Variants in GCC1 observed in about 807,000 individuals in gnomAD.
GCC1 encodes the protein GRIP and coiled-coil domain-containing protein 1.
GCC1 carries 36 observed loss-of-function variants against 62.5 expected under a neutral mutation model. The observed-to-expected ratio is 0.58, with a 90% confidence interval of 0.44 to 0.76. GCC1 has a LOEUF of 0.76. Ranked by LOEUF, GCC1 falls within the 30% of genes least tolerant of loss-of-function variation. GCC1 has a pLI of 0.00. For synonymous variants in GCC1, 391 were observed against 386.8 expected, an observed-to-expected ratio of 1.01 and a Z score of -0.13; for missense variants, 885 against 948.3, an observed-to-expected ratio of 0.93 and a Z score of 0.88.
In GCC1 at chr7:127,581,769, C is replaced by A. The variant is rs1306543486; in HGVS notation, c.*245G>T. 1.9e-6 allele frequency: 1 copy of A among 533,448 alleles called. No homozygotes were observed. The highest frequency in any genetic ancestry group is 3.3e-6 in the Non-Finnish European group (1 of 300,130). 33.0% of individuals were successfully genotyped at this position (533,448 alleles called of 1,614,324 possible). On this transcript the variant is annotated 3_prime_UTR_variant, in exon 2 of 2. Coordinates refer to ENST00000321407, the MANE Select transcript of GCC1 (RefSeq NM_024523.6). ...CTTCTGCACTTCTCAGTCCTAACCT[C>A]ATCTTCTCCTCACATGCACACCATC...
chr7:127,582,339 G>A lies in GCC1; in HGVS notation c.2003C>T (p.Thr668Ile). Residue 668 changes from threonine to isoleucine, a missense_variant, in exon 2 of 2, where the codon ACA becomes ATA. Thr to Ile is a moderately conservative substitution (Grantham distance 89). Transcript: ENST00000321407. This position sits in a 1 kb window ranked among gnomAD's most constrained non-coding sequence, Gnocchi z 4.8. ...EQLARKEVEI[T>I]SLRKQKHRLE... ...CCTGTGCTTCTGCTTCCTCAGTGATGTGATCTCCACCTCCTTGCGGGCCAG... is the reference window on the plus strand; with the variant it reads ...CCTGTGCTTCTGCTTCCTCAGTGATATGATCTCCACCTCCTTGCGGGCCAG... 1 of 1,614,216 alleles carries A rather than the reference G, an allele frequency of 6.2e-7. No individual in the cohort carries two copies. The highest frequency in any genetic ancestry group is 8.5e-7 in the Non-Finnish European group (1 of 1,180,046).
chr7:127,584,181 G>C lies in GCC1; in HGVS notation c.1002C>G (p.Phe334Leu). Residue 334 changes from phenylalanine to leucine, a missense_variant, in exon 1 of 2, where the codon TTC (phenylalanine) becomes TTG (leucine). Coordinates refer to ENST00000321407, the MANE Select transcript of GCC1 (RefSeq NM_024523.6). ...QEEAARLKSH[F>L]QAQLQQEMRK... is the part of the protein sequence containing the mutation. ...TCATTTCCTGCTGTAACTGAGCCTGGAAATGGCTCTTAAGGCGGGCAGCCT... is the reference window on the plus strand; with the variant it reads ...TCATTTCCTGCTGTAACTGAGCCTGCAAATGGCTCTTAAGGCGGGCAGCCT... The C allele has an allele frequency of 6.2e-7, 1 of 1,613,916 alleles. No individual in the cohort carries two copies. The highest frequency in any genetic ancestry group is 8.5e-7 in the Non-Finnish European group (1 of 1,179,974).
chr7:127,583,564 T>C (rs1794164442), intron 1 of GCC1, among the ~76,000 whole-genome samples: 1 of 152,198 alleles, frequency 6.6e-6, no homozygotes, highest in African/African-American at 2.4e-5. Context: ...CCTAACCACA[T>C]ATAATGTGTG....
At position 127,584,361 on chromosome 7, in the gene GCC1, G is replaced by A; in HGVS notation, c.822C>T (p.Ala274=). The change falls in exon 1 of 2, where the codon GCC becomes GCT. Residue 274 remains alanine, a synonymous_variant. Transcript: ENST00000321407. ...CAGCTGCATATGCTCGTCCTGCCAA[G>A]GCTTCTCGGGTCTCTTCTAACCTAA... ...LELRLEETRE[A]LAGRAYAAEQ... 1 of 1,613,868 alleles carries A rather than the reference G, an allele frequency of 6.2e-7. No individual in the cohort carries two copies. Among genetic ancestry groups the A allele is most frequent in the Middle Eastern group, 1.6e-4 (1 of 6,062 alleles).
In GCC1 at chr7:127,583,046, C is replaced by A; in HGVS notation, c.1296G>T (p.Leu432=). 1 of 1,614,170 alleles carries A rather than the reference C, an allele frequency of 6.2e-7. No individual in the cohort carries two copies. Among genetic ancestry groups the A allele is most frequent in the Non-Finnish European group, 8.5e-7 (1 of 1,180,040 alleles). Residue 432 remains leucine (L), a synonymous_variant, in exon 2 of 2, where the codon CTG becomes CTT. Transcript: ENST00000321407. ...TCTTCAGCTTCTCCATCTTATCTTT[C>A]AGGACATTGACATCCAGACTGGACT... ...GEESSLDVNV[L]KDKMEKLKRL...
At chr7:127,584,093 C>T in intron 1 of GCC1, 58 bp downstream of exon 1, 1 of 1,489,034 alleles carries the variant, frequency 6.7e-7, no homozygotes. Flanking sequence ...GGAAAAAAAC[C>T]CTAATATTTC....
chr7:127,583,496 C>T (rs533481744), intron 1 of GCC1, among the ~76,000 whole-genome samples, 187 bp from the exon 2 acceptor site: 5 of 152,304 alleles, frequency 3.3e-5, no homozygotes, highest in South Asian at 2.1e-4. Flanking sequence ...CTGCAAGACA[C>T]ATATTATACT....
In GCC1 at chr7:127,582,338, T is replaced by C; in HGVS notation, c.2004A>G (p.Thr668=). 6.2e-7 allele frequency: 1 copy of C among 1,614,196 alleles called. No individual in the cohort carries two copies. Among genetic ancestry groups the C allele is most frequent in the Non-Finnish European group, 8.5e-7 (1 of 1,180,040 alleles). ...EQLARKEVEI[T]SLRKQKHRLE... ...GCCTGTGCTTCTGCTTCCTCAGTGATGTGATCTCCACCTCCTTGCGGGCCA... is the reference window on the plus strand; with the variant it reads ...GCCTGTGCTTCTGCTTCCTCAGTGACGTGATCTCCACCTCCTTGCGGGCCA... The change falls in exon 2 of 2, where the codon ACA becomes ACG. Residue 668 remains threonine, a synonymous_variant. Transcript: ENST00000321407. This position sits in a 1 kb window ranked among gnomAD's most constrained non-coding sequence, Gnocchi z 4.8.
Position 127,584,749 on chromosome 7 carries a change from C to A in GCC1, c.434G>T (p.Gly145Val), listed in dbSNP as rs952252130. 1 of 1,614,208 alleles carries A rather than the reference C, an allele frequency of 6.2e-7. No homozygotes were observed. Among genetic ancestry groups the A allele is most frequent in the Non-Finnish European group, 8.5e-7 (1 of 1,180,038 alleles). Residue 145 changes from glycine (G) to valine (V), a missense_variant, in exon 1 of 2, where the codon GGG becomes GTG. By Grantham distance (109) the Gly-to-Val change is moderately radical (BLOSUM62 -3). Transcript: ENST00000321407. ...CTCCCCACCTGCAAATGGCCCATCC[C>A]CACTGCTACTGCTAACGCCACTCTC... ...WSESGVSSSS[G>V]DGPFAGGEVD...
chr7:127,582,492 C>T lies in GCC1; in HGVS notation c.1850G>A (p.Gly617Glu). 6.2e-7 allele frequency: 1 copy of T among 1,613,820 alleles called. No homozygotes were observed. Among genetic ancestry groups the T allele is most frequent in the Non-Finnish European group, 8.5e-7 (1 of 1,180,036 alleles). Residue 617 changes from glycine (G) to glutamate (E), a missense_variant, in exon 2 of 2, where the codon GGA becomes GAA. Coordinates refer to ENST00000321407, the MANE Select transcript of GCC1 (RefSeq NM_024523.6). This position sits in a 1 kb window ranked among gnomAD's most constrained non-coding sequence, Gnocchi z 4.8. ...GCCACCACCCACAGGACTTCTGCGT[C>T]CTGGCAGCCCAGAGGCCAAGGCCAC... Reference protein sequence around the residue: ...RSVALASGLPGRRSPVGGGGP... With the variant: ...RSVALASGLPERRSPVGGGGP...
Position 127,582,519 on chromosome 7 carries a change from G to T in GCC1, c.1823C>A (p.Ser608Tyr), listed in dbSNP as rs768614976. 6.2e-7 allele frequency: 1 copy of T among 1,612,816 alleles called. No homozygotes were observed. Among genetic ancestry groups the T allele is most frequent in the Non-Finnish European group, 8.5e-7 (1 of 1,180,028 alleles). ...EKDLELEQLR[S>Y]VALASGLPGR... Reference sequence around the variant, plus strand: ...TGGCAGCCCAGAGGCCAAGGCCACAGAACGCAGTTGCTCCAGTTCCAAGTC... The same window carrying T: ...TGGCAGCCCAGAGGCCAAGGCCACATAACGCAGTTGCTCCAGTTCCAAGTC... Residue 608 changes from serine (S) to tyrosine (Y), a missense_variant, in exon 2 of 2, where the codon TCT (serine) becomes TAT (tyrosine). Transcript: ENST00000321407. This position sits in a 1 kb window ranked among gnomAD's most constrained non-coding sequence, Gnocchi z 4.8.
chr7:127,585,361 C>T lies in GCC1; in HGVS notation c.-179G>A. On this transcript the variant is annotated 5_prime_UTR_variant, in exon 1 of 2. Transcript: ENST00000321407. ...CGGCCGGACGGACTGGCGAAAGCGG[C>T]CGCCCGGTCCCAGGCCCGGAGGGCT... The T allele has an allele frequency of 1.6e-6, 1 of 632,928 alleles. No individual in the cohort carries two copies. The highest frequency in any genetic ancestry group is 2.7e-6 in the Non-Finnish European group (1 of 376,042). The allele number at this position is 632,928 out of a possible 1,614,324, so 39.2% of individuals were successfully genotyped here.
chr7:127,583,471 T>C (rs189768877), intron 1 of GCC1, among the ~76,000 whole-genome samples, 162 bp from the exon 2 acceptor site: 1 of 152,228 alleles, frequency 6.6e-6, no homozygotes, highest in East Asian at 1.9e-4. Flanking sequence ...AAAGTTCCTA[T>C]TACCTGCTTG....
Position 127,581,882 on chromosome 7 carries a change from A to G in GCC1, c.*132T>C. The stretch of plus-strand genomic sequence containing the variant: ...CATTTGGCAGAAAATCCCTTCCCAC[A>G]TTGAAGACTCCTCCCAGCTCAACAC... On this transcript the variant is annotated 3_prime_UTR_variant, in exon 2 of 2. Coordinates refer to ENST00000321407, the MANE Select transcript of GCC1 (RefSeq NM_024523.6). 1.4e-6 allele frequency: 1 copy of G among 719,022 alleles called. No individual in the cohort carries two copies. The highest frequency in any genetic ancestry group is 2.3e-6 in the Non-Finnish European group (1 of 437,036). The allele number at this position is 719,022 out of a possible 1,614,324, so 44.5% of individuals were successfully genotyped here. A position where few individuals can be genotyped will look rare whatever the true frequency, so the allele number is the denominator to read the frequency against.
rs994160729 is a variant in GCC1, at chr7:127,585,149, G to A, written c.34C>T (p.Pro12Ser). 1 of 1,606,336 alleles carries A rather than the reference G, an allele frequency of 6.2e-7. No individual in the cohort carries two copies. Among genetic ancestry groups the A allele is most frequent in the Admixed American group, 1.7e-5 (1 of 58,608 alleles). The change falls in exon 1 of 2, where the codon CCG becomes TCG. Residue 12 changes from proline to serine, a missense_variant. Transcript: ENST00000321407. ...GTCTCCAGCAAGTCCTTCTTGCTCG[G>A]GCCGCCCCCGAAATTCATCCCAAAC... is the stretch of plus-strand genomic sequence containing the variant. The part of the protein sequence containing the change: ...EKFGMNFGGG[P>S]SKKDLLETIE...
At position 127,585,328 on chromosome 7, in the gene GCC1, A is replaced by G; in HGVS notation, c.-146T>C. ...ACTCCACCTAGTTATCCCGGACCTA[A>G]TGCGGAACGGCCGGACGGACTGGCG... On this transcript the variant is annotated 5_prime_UTR_variant, in exon 1 of 2. Transcript: ENST00000321407. 1.3e-6 allele frequency: 1 copy of G among 763,648 alleles called. No individual in the cohort carries two copies. Among genetic ancestry groups the G allele is most frequent in the Non-Finnish European group, 2.0e-6 (1 of 489,674 alleles). The allele number at this position is 763,648 out of a possible 1,614,324, so 47.3% of individuals were successfully genotyped here. A position where few individuals can be genotyped will look rare whatever the true frequency, so the allele number is the denominator to read the frequency against.
rs773411272 is a variant in GCC1, at chr7:127,584,724, CTCCCCACCTGCAAATGGCCCA to C, written c.438_458del (p.Asp146_Gly152del). 7 of 1,614,060 alleles carry C rather than the reference CTCCCCACCTGCAAATGGCCCA, an allele frequency of 4.3e-6. No individual in the cohort carries two copies. The East Asian group carries it at 1.6e-4, about 36-fold the overall frequency. ...TCAGCTGGTGCAGTCTTTTGTCCACCTCCCCACCTGCAAATGGCCCATCCCCACTGCTACTGCTAACGCCAC... is the reference window on the plus strand; with the variant it reads ...TCAGCTGGTGCAGTCTTTTGTCCACCTCCCCACTGCTACTGCTAACGCCAC... On this transcript the variant is annotated inframe_deletion, in exon 1 of 2. Coordinates refer to ENST00000321407, the MANE Select transcript of GCC1 (RefSeq NM_024523.6).
At position 127,583,298 on chromosome 7, in the gene GCC1, T is replaced by C. The variant is rs758602068; in HGVS notation, c.1044A>G (p.Ala348=). 1 of 1,593,240 alleles carries C rather than the reference T, an allele frequency of 6.3e-7. No homozygotes were observed. Among genetic ancestry groups the C allele is most frequent in the Non-Finnish European group, 8.6e-7 (1 of 1,167,640 alleles). ...GAGATTGCTGACGGAGTTGATCCTC[T>C]GCAAGAGCTGTCTGCAAAACAAGGG... ...LQQEMRKTAL[A]EDQLRQQSQV... Residue 348 remains alanine (A), a synonymous_variant, in exon 2 of 2, where the codon GCA becomes GCG. Transcript: ENST00000321407.
At position 127,582,787 on chromosome 7, in the gene GCC1, C is replaced by T; in HGVS notation, c.1555G>A (p.Ala519Thr). 2.5e-6 allele frequency: 4 copies of T among 1,614,168 alleles called. No individual in the cohort carries two copies. Among genetic ancestry groups the T allele is most frequent in the Non-Finnish European group, 3.4e-6 (4 of 1,180,032 alleles). The change falls in exon 2 of 2, where the codon GCA becomes ACA. Residue 519 changes from alanine (A) to threonine (T), a missense_variant. By Grantham distance (58) the Ala-to-Thr change is moderately conservative. Transcript: ENST00000321407. This position sits in a 1 kb window ranked among gnomAD's most constrained non-coding sequence, Gnocchi z 4.8. ...KDGNLGKELE[A>T]AQEQLAELKE... ...AGCTCTGCAAGCTGTTCCTGGGCTG[C>T]CTCCAGCTCCTTTCCCAGGTTACCA... is the stretch of plus-strand genomic sequence containing the variant.
Sources: gnomAD v4.1 joint callset for allele counts (sites outside exome capture counted in the v4.1 genomes callset) on GRCh38, gnomAD v4.1.1 for gene constraint, Gnocchi (gnomAD v3.1) non-coding constraint, MANE v1.5 for transcripts, NCBI Gene and HGNC (gene_info 2026-07-23, HGNC 2026-07-21) for gene names.